KCNK2: variants seen among roughly 807,000 people sequenced by gnomAD.
KCNK2 encodes the protein potassium channel subfamily K member 2.
Under a neutral mutation model 40.5 loss-of-function variants are expected in KCNK2, and 21 were observed. That is an observed-to-expected ratio of 0.52 (90% CI 0.37 to 0.75). KCNK2 has a LOEUF of 0.75. Ranked by LOEUF, KCNK2 falls within the 30% of genes least tolerant of loss-of-function variation. The pLI is 0.00. For synonymous variants in KCNK2, 191 were observed against 202.2 expected (o/e 0.94, Z 0.47); for missense variants, 399 against 531.6 (o/e 0.75, Z 2.45).
intron 1 of KCNK2, among the ~76,000 whole-genome samples, chr1:215,048,364 G>A (rs943236715): frequency 9.9e-5 from 15 of 152,102 alleles, no homozygotes; most frequent in Admixed American, 7.9e-4. Flanking sequence ...CAGACTAAAA[G>A]CTTTCATGAG....
intron 1 of KCNK2, among the ~76,000 whole-genome samples, chr1:215,032,128 G>A (rs1425597406): frequency 1.4e-5 from 2 of 147,644 alleles, no homozygotes; most frequent in African/African-American, 5.0e-5. Context: ...TTTTAGAAGG[G>A]CAGGGACAGT....
intron 5 of KCNK2, among the ~76,000 whole-genome samples, chr1:215,181,898 A>T (rs1664231946): frequency 6.6e-6 from 1 of 152,200 alleles, no homozygotes; most frequent in Non-Finnish European, 1.5e-5. Context: ...GCAGGTTTGC[A>T]TACAGGTCCC....
intron 6 of KCNK2, among the ~76,000 whole-genome samples, chr1:215,218,968 CATT>C (rs1298676347): frequency 4.6e-5 from 7 of 152,304 alleles, no homozygotes. Context: ...TCTCACTAAA[CATT>C]AATAATAGGA....
intron 3 of KCNK2, among the ~76,000 whole-genome samples, chr1:215,128,059 C>T (rs1661511065): frequency 6.6e-6 from 1 of 152,100 alleles, no homozygotes; most frequent in South Asian, 2.1e-4. Flanking sequence ...ATACAGTGTG[C>T]CAAGAGTTGT....
chr1:215,099,905 A>T (rs950412188), intron 2 of KCNK2, among the ~76,000 whole-genome samples: 1 of 152,032 alleles, frequency 6.6e-6, no homozygotes, highest in Non-Finnish European at 1.5e-5. Flanking sequence ...GAAAATAAAA[A>T]ATTCTCCTTT....
chr1:215,035,928 GT>G (rs35528319), intron 1 of KCNK2, among the ~76,000 whole-genome samples: 80,121 of 150,188 alleles, frequency 0.53, 21,617 homozygotes, highest in Non-Finnish European at 0.57. Context: ...GTTTTGAGGA[GT>G]TTTTTTTTTA....
At chr1:215,085,357 T>C (rs928871184) in intron 1 of KCNK2, among the ~76,000 whole-genome samples, 1 of 152,210 alleles carries the variant, frequency 6.6e-6, no homozygotes, top group African/African-American at 2.4e-5. Flanking sequence ...AAATGTCCTG[T>C]AGTAGGTGTT....
intron 1 of KCNK2, among the ~76,000 whole-genome samples, chr1:215,070,649 G>A (rs150966899): frequency 1.8e-4 from 28 of 152,116 alleles, no homozygotes; most frequent in East Asian, 1.4e-3. Context: ...ATTTGACCCC[G>A]TGATTCAATT....
At chr1:215,016,841 C>A (rs1261277851) in intron 1 of KCNK2, among the ~76,000 whole-genome samples, 1 of 152,046 alleles carries the variant, frequency 6.6e-6, no homozygotes, top group African/African-American at 2.4e-5. Flanking sequence ...TATTTGCAAA[C>A]CATTCACTAA....
At chr1:215,032,317 G>A (rs1368997945) in intron 1 of KCNK2, among the ~76,000 whole-genome samples, 2 of 152,016 alleles carry the variant, frequency 1.3e-5, no homozygotes, top group Admixed American at 1.3e-4. Context: ...GGCTGAGGTG[G>A]AGAATCGCTG....
chr1:215,202,947 T>C (rs761413688), intron 6 of KCNK2, among the ~76,000 whole-genome samples: 56 of 152,120 alleles, frequency 3.7e-4, no homozygotes, highest in Non-Finnish European at 6.9e-4. Context: ...TTATTATTTA[T>C]TTCTGCCTCT....
In KCNK2 at chr1:215,083,403, G is replaced by A. The variant is rs754344732; in HGVS notation, c.18G>A (p.Ser6=). 11 of 1,613,864 alleles carry A rather than the reference G, an allele frequency of 6.8e-6. No homozygotes were observed. In the South Asian group the frequency reaches 7.7e-5, roughly 11 times the overall value. Residue 6 remains serine (S), a synonymous_variant, in exon 1 of 7, where the codon TCG becomes TCA. Transcript: ENST00000444842. MLPSA[S]RERPGYRAGV... is the part of the protein sequence containing the mutation. ...CATGCCTCATGCTTCCCAGCGCCTCGCGGGAGAGACCCGGCTATAGAGCAG... is the reference window on the plus strand; with the variant it reads ...CATGCCTCATGCTTCCCAGCGCCTCACGGGAGAGACCCGGCTATAGAGCAG...
At chr1:215,170,361 A>G (rs1033917296) in intron 4 of KCNK2, among the ~76,000 whole-genome samples, 1 of 152,182 alleles carries the variant, frequency 6.6e-6, no homozygotes, top group Admixed American at 6.6e-5. Flanking sequence ...TAAGTGAAAA[A>G]TAAGAATACT....
Position 215,083,571 on chromosome 1 carries a change from A to G in KCNK2, c.46+140A>G, listed in dbSNP as rs998529159. ...CTTCGCGTCCAAAGTGTTGGGTCAT[A>G]ATCTGGATTTGGAGGCAAACCCTTG... On this transcript the variant is annotated intron_variant, in intron 1 of 6. Transcript: ENST00000444842. The G allele has an allele frequency of 8.2e-5, 56 of 686,062 alleles. No individual in the cohort carries two copies. In the African/African-American group the frequency reaches 8.8e-4, roughly 11 times the overall value. 42.5% of individuals were successfully genotyped at this position (686,062 alleles called of 1,614,324 possible).
At chr1:215,204,131 T>C (rs1353202845) in intron 6 of KCNK2, among the ~76,000 whole-genome samples, 4 of 151,304 alleles carry the variant, frequency 2.6e-5, no homozygotes, top group Non-Finnish European at 5.9e-5. Context: ...TTTCTTGAAT[T>C]AGACCCACAC....
At chr1:215,061,677 G>A (rs1658366935) in intron 1 of KCNK2, among the ~76,000 whole-genome samples, 2 of 151,922 alleles carry the variant, frequency 1.3e-5, no homozygotes, top group Admixed American at 6.5e-5. Context: ...CAACTCTTGG[G>A]GCCTTCATAT....
chr1:215,044,829 G>GCGCA (rs767674003), intron 1 of KCNK2, among the ~76,000 whole-genome samples: 22 of 47,660 alleles, frequency 4.6e-4, no homozygotes, highest in African/African-American at 1.2e-3. Context: ...GTGTGTGTGC[G>GCGCA]CGCGCACACG....
chr1:215,017,951 G>A (rs1298406846), intron 1 of KCNK2, among the ~76,000 whole-genome samples: 1 of 152,000 alleles, frequency 6.6e-6, no homozygotes, highest in African/African-American at 2.4e-5. Flanking sequence ...GATAAAGAAT[G>A]AAAAAATAAC....
chr1:215,230,064 TATAG>T (rs1389564332), intron 6 of KCNK2, among the ~76,000 whole-genome samples: 2 of 137,840 alleles, frequency 1.5e-5, no homozygotes, highest in South Asian at 2.3e-4. Flanking sequence ...CAGATATATA[TATAG>T]ATATATATAT....
Sources: allele counts gnomAD v4.1 joint callset (sites outside exome capture counted in the v4.1 genomes callset), GRCh38; gene constraint gnomAD v4.1.1; transcripts MANE v1.5; gene names NCBI Gene and HGNC (gene_info 2026-07-23, HGNC 2026-07-21).